CRISPLD2: variants seen among roughly 807,000 people sequenced by gnomAD.
The protein encoded by CRISPLD2 is cysteine-rich secretory protein LCCL domain-containing 2.
A neutral mutation model predicts 71.1 loss-of-function variants in CRISPLD2; 47 were observed. The observed-to-expected ratio is 0.66, with a 90% CI of 0.52 to 0.84. The LOEUF (loss-of-function observed/expected upper bound fraction) is 0.84. Ranked by LOEUF, CRISPLD2 falls within the 40% of genes least tolerant of loss-of-function variation. The probability of loss-of-function intolerance (pLI) is 0.00; values close to 1 mark genes in which losing one functional copy is unlikely to be tolerated. For synonymous variants in CRISPLD2, 317 were observed against 250.1 expected (o/e 1.27, Z -2.52); for missense variants, 830 against 651.1 (o/e 1.27, Z -2.99).
chr16:84,867,210 G>A (rs981001902), intron 7 of CRISPLD2, among the ~76,000 whole-genome samples, 170 bp downstream of exon 7: 4 of 152,182 alleles, frequency 2.6e-5, no homozygotes, highest in Non-Finnish European at 4.4e-5. Context: ...TTTCAAAAAC[G>A]ATATTTTTAA....
intron 10 of CRISPLD2, 55 bp from the exon 11 acceptor site, chr16:84,873,865 C>G: frequency 1.3e-6 from 2 of 1,481,746 alleles, no homozygotes; most frequent in Non-Finnish European, 1.8e-6. Context: ...CTTTTAGAAG[C>G]AATTCTATTT....
At position 84,874,236 on chromosome 16, in the gene CRISPLD2, G is replaced by A. The variant is rs2934485; in HGVS notation, c.1156+273G>A. ...CATACTGATGCCTGGGGCTAAAGTG[G>A]CTGAGAGGTTTCACTGGGAGTGCCA... is the stretch of plus-strand genomic sequence containing the variant. On this transcript the variant is annotated intron_variant, in intron 11 of 14. Transcript: ENST00000262424. 0.4 allele frequency among the ~76,000 whole-genome samples: 61,456 copies of A among 151,936 alleles called. 13,073 individuals are homozygous for A. The highest frequency in any genetic ancestry group is 0.66 in the East Asian group (3,382 of 5,158).
At chr16:84,837,396 C>T (rs562761318) in intron 1 of CRISPLD2, among the ~76,000 whole-genome samples, 1 of 151,214 alleles carries the variant, frequency 6.6e-6, no homozygotes, top group East Asian at 1.9e-4. Flanking sequence ...GTCTTGTCAC[C>T]ACACTAAGCC....
rs539727430 is a variant in CRISPLD2 at position 84,844,815 on chromosome 16, A to T, written c.241-971A>T. Among the ~76,000 whole-genome samples the T allele has an allele frequency of 6.6e-5, 10 of 152,182 alleles. No homozygotes were observed. The East Asian group carries it at 1.7e-3, about 26-fold the overall frequency. On this transcript the variant is annotated intron_variant, in intron 2 of 14. Coordinates refer to ENST00000262424, the MANE Select transcript of CRISPLD2 (RefSeq NM_031476.4). Reference sequence around the variant, plus strand: ...TTCTTTGCAGGCCTGTGTGTCGCTGACGTGGATAAAGCCTCCCTGACTGCA... The same window carrying T: ...TTCTTTGCAGGCCTGTGTGTCGCTGTCGTGGATAAAGCCTCCCTGACTGCA...
chr16:84,849,252 G>C (rs938219633), intron 3 of CRISPLD2, 133 bp from the exon 4 acceptor site: 3 of 888,616 alleles, frequency 3.4e-6, no homozygotes, highest in Admixed American at 2.3e-5. Context: ...CCGGCTGCCC[G>C]TGGCTGCTCC....
chr16:84,870,102 A>G (rs2071452935), intron 8 of CRISPLD2, among the ~76,000 whole-genome samples: 1 of 152,188 alleles, frequency 6.6e-6, no homozygotes, highest in Admixed American at 6.5e-5. Flanking sequence ...TTTTCTGTTC[A>G]TGGTGCTTTT....
In CRISPLD2 at chr16:84,866,976, T is replaced by A. The variant is rs761641105; in HGVS notation, c.789T>A (p.Val263=). ...ETAPIPEENH[V]WLQPRVMRPT... ...CTCCCATTCCTGAAGAAAACCATGT[T>A]TGGCTCCAACCGAGGGTGATGAGAC... Residue 263 remains valine (V), a synonymous_variant, in exon 7 of 15, where the codon GTT becomes GTA. Coordinates refer to ENST00000262424, the MANE Select transcript of CRISPLD2 (RefSeq NM_031476.4). 6.2e-7 allele frequency: 1 copy of A among 1,614,084 alleles called. No homozygotes were observed. The highest frequency in any genetic ancestry group is 8.5e-7 in the Non-Finnish European group (1 of 1,180,008).
chr16:84,905,836 A>T (rs1484232339), intron 14 of CRISPLD2, among the ~76,000 whole-genome samples: 1 of 150,328 alleles, frequency 6.7e-6, no homozygotes, highest in East Asian at 2.0e-4. Flanking sequence ...CAGCCTCCCG[A>T]GTAGCTGGGA....
chr16:84,835,075 T>C (rs1371568101), intron 1 of CRISPLD2, among the ~76,000 whole-genome samples: 1 of 151,884 alleles, frequency 6.6e-6, no homozygotes, highest in Non-Finnish European at 1.5e-5. Context: ...GTGCTGGCCC[T>C]TTTATGGTTA....
Position 84,838,495 on chromosome 16 carries a change from C to T in CRISPLD2, c.-1C>T. On this transcript the variant is annotated 5_prime_UTR_variant, in exon 2 of 15. Coordinates refer to ENST00000262424, the MANE Select transcript of CRISPLD2 (RefSeq NM_031476.4). ...CCCATAGTTGCTGCAGGAGTGGAGC[C>T]ATGAGCTGCGTCCTGGGTGGTGTCA... is the stretch of plus-strand genomic sequence containing the variant. 2 of 1,612,902 alleles carry T rather than the reference C, an allele frequency of 1.2e-6. No individual in the cohort carries two copies. The highest frequency in any genetic ancestry group is 1.7e-6 in the Non-Finnish European group (2 of 1,179,126).
chr16:84,879,784 TA>T (rs2071552654), intron 12 of CRISPLD2, among the ~76,000 whole-genome samples: 1 of 152,176 alleles, frequency 6.6e-6, no homozygotes, highest in Non-Finnish European at 1.5e-5. Flanking sequence ...TTCCTTCCCA[TA>T]ATCCTGCCTG....
intron 8 of CRISPLD2, among the ~76,000 whole-genome samples, chr16:84,872,141 C>G (rs991010636): frequency 6.6e-6 from 1 of 152,094 alleles, no homozygotes; most frequent in African/African-American, 2.4e-5. Context: ...GGAAAAGATG[C>G]AAAGGTTATA....
intron 6 of CRISPLD2, among the ~76,000 whole-genome samples, chr16:84,863,793 A>G (rs1375346108): frequency 2.0e-5 from 3 of 151,856 alleles, no homozygotes; most frequent in Non-Finnish European, 4.4e-5. Flanking sequence ...ACATGGAGAA[A>G]CCCAGTCACT....
At chr16:84,865,970 G>A (rs1567693625) in intron 6 of CRISPLD2, among the ~76,000 whole-genome samples, 1 of 152,212 alleles carries the variant, frequency 6.6e-6, no homozygotes, top group Non-Finnish European at 1.5e-5. Flanking sequence ...AGTTCTACAT[G>A]TTGAGTCTGA....
chr16:84,901,787 C>CTTTT (rs760025598), intron 14 of CRISPLD2, among the ~76,000 whole-genome samples: 24 of 87,832 alleles, frequency 2.7e-4, no homozygotes, highest in Non-Finnish European at 3.9e-4. Flanking sequence ...ACTGGTTGCA[C>CTTTT]TTTTTTTTTT....
At chr16:84,851,781 A>G (rs1917097079) in intron 5 of CRISPLD2, among the ~76,000 whole-genome samples, 1 of 152,250 alleles carries the variant, frequency 6.6e-6, no homozygotes, top group African/African-American at 2.4e-5. Flanking sequence ...TCTATAAAAA[A>G]TAGACACTAG....
intron 1 of CRISPLD2, among the ~76,000 whole-genome samples, chr16:84,823,046 A>G (rs530122182): frequency 1.1e-4 from 16 of 152,248 alleles, no homozygotes; most frequent in Non-Finnish European, 1.9e-4. Flanking sequence ...TCAGCCGCTC[A>G]TCTCCTTTCT....
intron 11 of CRISPLD2, among the ~76,000 whole-genome samples, chr16:84,877,180 C>T (rs1320261416): frequency 6.6e-6 from 1 of 152,216 alleles, no homozygotes; most frequent in African/African-American, 2.4e-5. Flanking sequence ...AGATGAAAAG[C>T]ACCATCAGCC....
intron 13 of CRISPLD2, among the ~76,000 whole-genome samples, chr16:84,887,930 C>A (rs1421069400): frequency 1.3e-5 from 2 of 152,304 alleles, no homozygotes; most frequent in African/African-American, 4.8e-5. Flanking sequence ...ACTTAAGGGA[C>A]TTAATAAATC....
Sources: gnomAD v4.1 joint callset for allele counts (sites outside exome capture counted in the v4.1 genomes callset) on GRCh38, gnomAD v4.1.1 for gene constraint, MANE v1.5 for transcripts, NCBI Gene and HGNC (gene_info 2026-07-23, HGNC 2026-07-21) for gene names.